WWC2: variants seen among roughly 807,000 people sequenced by gnomAD.
WWC2 encodes protein WWC2.
Under a neutral mutation model 138.5 loss-of-function variants are expected in WWC2, and 101 were observed. The ratio of observed to expected loss-of-function variants is 0.73; its 90% confidence interval spans 0.62 to 0.86. WWC2 has a LOEUF of 0.86. Ranked by LOEUF, WWC2 falls within the 40% of genes least tolerant of loss-of-function variation. The probability of loss-of-function intolerance (pLI) is 0.00; values close to 1 mark genes in which losing one functional copy is unlikely to be tolerated. For missense variants in WWC2, 1,420 were observed against 1,419.4 expected, an observed-to-expected ratio of 1.00 and a Z score of -0.01; for synonymous variants, 558 against 538.4, an observed-to-expected ratio of 1.04 and a Z score of -0.50.
intron 4 of WWC2, among the ~76,000 whole-genome samples, chr4:183,223,071 G>GT (rs1352637458): frequency 6.6e-6 from 1 of 152,212 alleles, no homozygotes; most frequent in African/African-American, 2.4e-5. Flanking sequence ...ATGATGCCAT[G>GT]TTTTTGCTAT....
In WWC2 at chr4:183,319,838, C is replaced by T. The variant is rs1395640259; in HGVS notation, c.*4109C>T. On this transcript the variant is annotated 3_prime_UTR_variant, in exon 23 of 23. Coordinates refer to ENST00000403733, the MANE Select transcript of WWC2 (RefSeq NM_024949.6). Reference sequence around the variant, plus strand: ...GAACCAGGGCTGTGACTCCCGAGGCCCAGGACAGAATTCCTCCCAGGATCA... The same window carrying T: ...GAACCAGGGCTGTGACTCCCGAGGCTCAGGACAGAATTCCTCCCAGGATCA... 6.2e-7 allele frequency: 1 copy of T among 1,613,844 alleles called. No individual in the cohort carries two copies. The highest frequency in any genetic ancestry group is 1.1e-5 in the South Asian group (1 of 91,070).
intron 14 of WWC2, among the ~76,000 whole-genome samples, chr4:183,266,344 A>G (rs374932831): frequency 2.6e-5 from 4 of 152,348 alleles, no homozygotes; most frequent in East Asian, 3.9e-4. Flanking sequence ...TATCTGTACA[A>G]CATTGCCAGT....
chr4:183,183,503 C>T (rs577887373), intron 1 of WWC2, among the ~76,000 whole-genome samples: 5 of 152,144 alleles, frequency 3.3e-5, no homozygotes, highest in African/African-American at 4.8e-5. Flanking sequence ...GCAAAACAGC[C>T]GGAAGCAGTG....
intron 8 of WWC2, among the ~76,000 whole-genome samples, chr4:183,253,466 C>T (rs920346648): frequency 6.6e-6 from 1 of 152,290 alleles, no homozygotes; most frequent in Admixed American, 6.5e-5. Flanking sequence ...CTTTTGAAGC[C>T]TCTGTGTACT....
At chr4:183,249,833 A>G in intron 7 of WWC2, 87 bp from the exon 8 acceptor site, 2 of 1,098,526 alleles carry the variant, frequency 1.8e-6, no homozygotes, top group African/African-American at 1.6e-5. Flanking sequence ...TAACTTTTCA[A>G]TTACACATAC....
rs374832702 is a variant in WWC2 at position 183,268,998 on chromosome 4, C to T, written c.2235C>T (p.Ser745=). The change falls in exon 15 of 23, where the codon TCC becomes TCT. Residue 745 remains serine (S), a synonymous_variant. Transcript: ENST00000403733. ...KVYFRVAVLP[S]STDVSCLFRT... is the part of the protein sequence containing the mutation. ...ATTTTAGGGTTGCCGTTCTTCCTTC[C>T]TCAACTGATGTCAGCTGTCTGTTTC... 43 of 1,612,912 alleles carry T rather than the reference C, an allele frequency of 2.7e-5. No individual in the cohort carries two copies. The highest frequency in any genetic ancestry group is 3.6e-5 in the Non-Finnish European group (43 of 1,179,634).
In WWC2 at chr4:183,282,798, T is replaced by C; in HGVS notation, c.2775T>C (p.Asp925=). 6.3e-7 allele frequency: 1 copy of C among 1,585,528 alleles called. No homozygotes were observed. Among genetic ancestry groups the C allele is most frequent in the African/African-American group, 1.3e-5 (1 of 74,462 alleles). ...KLPEDSSCTE[D]LSSCTSVPEM... ...CAGAGGACAGTAGCTGTACAGAAGA[T>C]TTAAGTTCATGCACTAGTGTGCCTG... Residue 925 remains aspartate (D), a synonymous_variant, in exon 18 of 23, where the codon GAT becomes GAC. Transcript: ENST00000403733.
At chr4:183,222,688 A>C (rs1386622764) in intron 4 of WWC2, among the ~76,000 whole-genome samples, 1 of 152,136 alleles carries the variant, frequency 6.6e-6, no homozygotes, top group African/African-American at 2.4e-5. Context: ...ATATGTGGCC[A>C]GGCGTGGTGG....
intron 21 of WWC2, among the ~76,000 whole-genome samples, chr4:183,290,492 G>T (rs1580154681): frequency 6.6e-6 from 1 of 151,574 alleles, no homozygotes; most frequent in African/African-American, 2.4e-5. Context: ...ACTCCAGCCT[G>T]GGCGACAGAG....
intron 9 of WWC2, among the ~76,000 whole-genome samples, chr4:183,256,764 T>C (rs950101402): frequency 4.6e-5 from 7 of 152,134 alleles, no homozygotes; most frequent in South Asian, 2.1e-4. Context: ...TTTCCACTTA[T>C]ATTTGGGGTT....
intron 16 of WWC2, among the ~76,000 whole-genome samples, chr4:183,271,914 G>A (rs532796678): frequency 5.3e-5 from 8 of 152,264 alleles, no homozygotes; most frequent in African/African-American, 1.9e-4. Flanking sequence ...ACTGAGGTGG[G>A]TGGATCGATT....
intron 1 of WWC2, among the ~76,000 whole-genome samples, chr4:183,107,586 A>C (rs1406365756): frequency 6.6e-6 from 1 of 152,080 alleles, no homozygotes; most frequent in Non-Finnish European, 1.5e-5. Context: ...CTAGCCTTTT[A>C]TAGCTGTTGC....
intron 15 of WWC2, 25 bp downstream of exon 15, chr4:183,269,188 AC>A: frequency 6.6e-7 from 1 of 1,522,016 alleles, no homozygotes; most frequent in Non-Finnish European, 8.8e-7. Flanking sequence ...AATTCCCATT[AC>A]CAAATAGCAC....
Position 183,291,649 on chromosome 4 carries a change from C to A in WWC2, c.3384+2014C>A, listed in dbSNP as rs150850596. On this transcript the variant is annotated intron_variant, in intron 21 of 22. Transcript: ENST00000403733. ...GGTTGTTTCTTCATTTCTAGTGTGT[C>A]ATGATATGAAATTCTAAATTTCTAG... is the stretch of plus-strand genomic sequence containing the variant. 3.0e-3 allele frequency among the ~76,000 whole-genome samples: 461 copies of A among 152,206 alleles called. 2 individuals are homozygous for A. The highest frequency in any genetic ancestry group is 0.01 in the African/African-American group (420 of 41,532).
At chr4:183,142,471 A>G (rs1733330579) in intron 1 of WWC2, among the ~76,000 whole-genome samples, 1 of 152,184 alleles carries the variant, frequency 6.6e-6, no homozygotes, top group Admixed American at 6.5e-5. Flanking sequence ...TGAGTTTTCA[A>G]CCCAAGTACA....
chr4:183,281,562 TTA>T lies in WWC2; in HGVS notation c.2684+667_2684+668del, dbSNP rs554535587. On this transcript the variant is annotated intron_variant, in intron 17 of 22. Transcript: ENST00000403733. The stretch of plus-strand genomic sequence containing the variant: ...TTTTAATATATAGTTGTTTATACTG[TTA>T]TGTTTGGTTGAACTACTGTTAATAC... Among the ~76,000 whole-genome samples, 1,128 of 152,318 alleles carry T rather than the reference TTA, an allele frequency of 7.4e-3. 17 individuals are homozygous for T. The highest frequency in any genetic ancestry group is 0.026 in the African/African-American group (1,088 of 41,580).
chr4:183,149,951 C>T (rs1733593537), intron 1 of WWC2, among the ~76,000 whole-genome samples: 1 of 152,124 alleles, frequency 6.6e-6, no homozygotes, highest in Non-Finnish European at 1.5e-5. Flanking sequence ...TTCTTTGTTA[C>T]CCAGTAGTAT....
intron 1 of WWC2, among the ~76,000 whole-genome samples, chr4:183,159,131 A>G (rs1045878342): frequency 6.6e-6 from 1 of 152,232 alleles, no homozygotes; most frequent in African/African-American, 2.4e-5. Context: ...GTTCTCTAAT[A>G]TATCAATCAC....
At chr4:183,179,341 A>AT in intron 1 of WWC2, among the ~76,000 whole-genome samples, 1 of 152,182 alleles carries the variant, frequency 6.6e-6, no homozygotes, top group Non-Finnish European at 1.5e-5. Context: ...TGTATTTTTT[A>AT]ACTAAAATCT....
Sources: gnomAD v4.1 joint callset for allele counts (sites outside exome capture counted in the v4.1 genomes callset) on GRCh38, gnomAD v4.1.1 for gene constraint, MANE v1.5 for transcripts, NCBI Gene and HGNC (gene_info 2026-07-23, HGNC 2026-07-21) for gene names.